The following THBS2 variants were observed in gnomAD, a reference collection of about 807,000 sequenced individuals.
The protein encoded by THBS2 is thrombospondin-2.
Under a neutral mutation model 135.2 loss-of-function variants are expected in THBS2, and 47 were observed. The observed-to-expected ratio is 0.35, with a 90% CI of 0.28 to 0.44. The LOEUF (loss-of-function observed/expected upper bound fraction) is 0.44, where lower values mean the gene tolerates loss of function less well. Ranked by LOEUF, THBS2 falls within the 20% of genes least tolerant of loss-of-function variation. The probability of loss-of-function intolerance (pLI) is 1.00; values close to 1 mark genes in which losing one functional copy is unlikely to be tolerated. For missense variants in THBS2, 1,288 were observed against 1,603.1 expected (o/e 0.80, Z 3.36); for synonymous variants, 639 against 633.8 (o/e 1.01, Z -0.12).
Position 169,224,513 on chromosome 6 carries a change from T to G in THBS2, c.2773+632A>C, listed in dbSNP as rs1480508017. Among the ~76,000 whole-genome samples, 2 of 150,594 alleles carry G rather than the reference T, an allele frequency of 1.3e-5. 1 individual carries two copies. The highest frequency in any genetic ancestry group is 3.9e-4 in the East Asian group (2 of 5,186). On this transcript the variant is annotated intron_variant, in intron 17 of 21. Coordinates refer to ENST00000617924, the MANE Select transcript of THBS2 (RefSeq NM_003247.5). ...TCCTTATCTCCCTCTGTCAAGGACG[T>G]GGCTTCCAAAGAGAGCCTGTGTCAG...
chr6:169,237,449 G>T, intron 8 of THBS2, 103 bp from the exon 9 acceptor site: 1 of 1,494,774 alleles, frequency 6.7e-7, no homozygotes, highest in Non-Finnish European at 9.2e-7. Context: ...AGCTGCTGAG[G>T]AGAGGGAAGG....
chr6:169,253,030 C>T (rs987098678), intron 1 of THBS2, among the ~76,000 whole-genome samples: 1 of 152,148 alleles, frequency 6.6e-6, no homozygotes, highest in African/African-American at 2.4e-5. Flanking sequence ...CCTGCCAGCT[C>T]GCTTTTCATA....
In THBS2 at chr6:169,240,459, G is replaced by T; in HGVS notation, c.1025C>A (p.Thr342Asn). Residue 342 changes from threonine to asparagine, a missense_variant, in exon 6 of 22, where the codon ACC (threonine) becomes AAC (asparagine). Around this residue, in one of 2 missense-constraint regions of THBS2, gnomAD observed 874 missense variants for 1,156.1 expected, o/e 0.76. Transcript: ENST00000617924. ...TWVVDSCTTC[T>N]CKKFKTICHQ... The stretch of plus-strand genomic sequence containing the variant: ...CGTGTTCTGGGGCCTCACCTTGCAG[G>T]TACACGTGGTGCAGCTGTCCACCAC... The T allele has an allele frequency of 6.2e-7, 1 of 1,613,460 alleles. No homozygotes were observed. The highest frequency in any genetic ancestry group is 1.3e-5 in the African/African-American group (1 of 75,008).
Position 169,241,439 on chromosome 6 carries a change from ATGTGTGTG to A in THBS2, c.891+315_891+322del, listed in dbSNP as rs147574702. Among the ~76,000 whole-genome samples, 2 of 124,424 alleles carry A rather than the reference ATGTGTGTG, an allele frequency of 1.6e-5. No homozygotes were observed. The highest frequency in any genetic ancestry group is 6.2e-5 in the African/African-American group (2 of 32,344). The allele number at this position is 124,424 out of a possible 152,430, so 81.6% of individuals were successfully genotyped here. On this transcript the variant is annotated intron_variant, in intron 5 of 21. Coordinates refer to ENST00000617924, the MANE Select transcript of THBS2 (RefSeq NM_003247.5). The surrounding 1 kb of genome is among the most constrained non-coding windows in gnomAD (Gnocchi z 5.5). ...TGTATGTGTGTGTATGTGTGTGTGT[ATGTGTGTG>A]TGTGTGTGTACACTCATACCTACAG...
At position 169,252,865 on chromosome 6, in the gene THBS2, T is replaced by C. The variant is rs1173933745; in HGVS notation, c.-23+859A>G. Reference sequence around the variant, plus strand: ...CAAAGGTCTTTTAAAACTCTTTTCGTATGAACAATCAAAGTAAAAGATAGC... The same window carrying C: ...CAAAGGTCTTTTAAAACTCTTTTCGCATGAACAATCAAAGTAAAAGATAGC... On this transcript the variant is annotated intron_variant, in intron 1 of 21. Transcript: ENST00000617924. The surrounding 1 kb of genome is among the most constrained non-coding windows in gnomAD (Gnocchi z 4.3). 1.3e-5 allele frequency among the ~76,000 whole-genome samples: 2 copies of C among 152,240 alleles called. No individual in the cohort carries two copies. The highest frequency in any genetic ancestry group is 4.8e-5 in the African/African-American group (2 of 41,470).
intron 12 of THBS2, 123 bp downstream of exon 12, chr6:169,232,541 G>C: frequency 6.8e-7 from 1 of 1,462,142 alleles, no homozygotes; most frequent in Non-Finnish European, 9.2e-7. Context: ...CCCCGGGCCA[G>C]CCCCTCCCAT....
chr6:169,221,435 G>A lies in THBS2; in HGVS notation c.3366C>T (p.Tyr1122=), dbSNP rs1240872598. 6.2e-7 allele frequency: 1 copy of A among 1,613,920 alleles called. No homozygotes were observed. The highest frequency in any genetic ancestry group is 1.7e-5 in the Admixed American group (1 of 60,018). The change falls in exon 20 of 22, where the codon TAC becomes TAT. Residue 1122 remains tyrosine (Y), a synonymous_variant. Coordinates refer to ENST00000617924, the MANE Select transcript of THBS2 (RefSeq NM_003247.5). ...WHLTHRPKTG[Y]IRVLVHEGKQ... is the part of the protein sequence containing the mutation. ...CTGTGCTGACCTGCCCTCACCTGAT[G>A]TAGCCAGTCTTGGGCCTGTGAGTCA...
In THBS2 at chr6:169,215,904, C is replaced by G. The variant is rs1309749593; in HGVS notation, c.*1918G>C. 1 of 152,540 alleles carries G rather than the reference C, an allele frequency of 6.6e-6. No individual in the cohort carries two copies. Among genetic ancestry groups the G allele is most frequent in the Non-Finnish European group, 1.5e-5 (1 of 68,032 alleles). The allele number at this position is 152,540 out of a possible 1,614,324, so 9.4% of individuals were successfully genotyped here. A position where few individuals can be genotyped will look rare whatever the true frequency, so the allele number is the denominator to read the frequency against. On this transcript the variant is annotated 3_prime_UTR_variant, in exon 22 of 22. Transcript: ENST00000617924. Reference sequence around the variant, plus strand: ...ATGTGAACACATAAATAAATATTTACAGTCTTTGGCAAAACACATGACGTT... The same window carrying G: ...ATGTGAACACATAAATAAATATTTAGAGTCTTTGGCAAAACACATGACGTT...
chr6:169,237,646 G>C lies in THBS2; in HGVS notation c.1279C>G (p.Leu427Val), dbSNP rs570076262. 3.0e-4 allele frequency: 487 copies of C among 1,612,804 alleles called. 4 individuals carry two copies. The South Asian group carries it at 5.0e-3, about 17-fold the overall frequency. ...TCACTGCGGGTGTCACACTTGCTCA[G>C]ACTGCAAGCCCGTGTCTGGATGGAG... Reference protein sequence around the residue: ...GPSIQTRACSLSKCDTRIRQD... With the variant: ...GPSIQTRACSVSKCDTRIRQD... The change falls in exon 8 of 22, where the codon CTG becomes GTG. Residue 427 changes from leucine (L) to valine (V), a missense_variant. Physicochemically the swap from Leu to Val is conservative, Grantham distance 32 (BLOSUM62 1). Transcript: ENST00000617924.
intron 10 of THBS2, chr6:169,234,473 A>G (rs1223708012): frequency 7.2e-6 from 3 of 417,246 alleles, no homozygotes; most frequent in Admixed American, 4.4e-5. Context: ...CACAGGCCAC[A>G]CCACACAATT....
At chr6:169,233,866 T>A (rs1779940038) in intron 10 of THBS2, among the ~76,000 whole-genome samples, 1 of 140,558 alleles carries the variant, frequency 7.1e-6, no homozygotes, top group African/African-American at 2.7e-5. Context: ...TCAGGTGCTA[T>A]ACCACACAAC....
Position 169,228,285 on chromosome 6 carries a change from G to A in THBS2, c.2260-4C>T. The A allele has an allele frequency of 6.2e-7, 1 of 1,613,896 alleles. No homozygotes were observed. The highest frequency in any genetic ancestry group is 8.5e-7 in the Non-Finnish European group (1 of 1,179,930). On this transcript the variant is annotated splice_polypyrimidine_tract_variant and splice_region_variant and intron_variant, in intron 14 of 21. Coordinates refer to ENST00000617924, the MANE Select transcript of THBS2 (RefSeq NM_003247.5). The stretch of plus-strand genomic sequence containing the variant: ...TGAAGAGGAGCTGGCAGTTGTCCTG[G>A]AAAACCAAGAAAGGGAAGACTTTAA...
In THBS2 at chr6:169,234,767, GCTC is replaced by G; in HGVS notation, c.1615_1617del (p.Glu539del). ...CAGCTCCTCTTGTTGCACATCTGAC[GCTC>G]CTGCACATCCCCCACGCAGGCCTTC... On this transcript the variant is annotated inframe_deletion, in exon 10 of 22. Transcript: ENST00000617924. 1 of 1,597,668 alleles carries G rather than the reference GCTC, an allele frequency of 6.3e-7. No individual in the cohort carries two copies. The highest frequency in any genetic ancestry group is 1.1e-5 in the South Asian group (1 of 89,856).
chr6:169,246,728 G>A lies in THBS2; in HGVS notation c.610-447C>T, dbSNP rs192223708. ...CCCTGGGCCTGCAGGAGCGCCTTCCGCAGCTGAGTTATGACGGGGCTGGGC... is the reference window on the plus strand; with the variant it reads ...CCCTGGGCCTGCAGGAGCGCCTTCCACAGCTGAGTTATGACGGGGCTGGGC... On this transcript the variant is annotated intron_variant, in intron 3 of 21. Coordinates refer to ENST00000617924, the MANE Select transcript of THBS2 (RefSeq NM_003247.5). 5.4e-4 allele frequency among the ~76,000 whole-genome samples: 83 copies of A among 152,304 alleles called. 1 individual carries two copies. The highest frequency in any genetic ancestry group is 5.0e-3 in the Admixed American group (77 of 15,306).
At chr6:169,245,320 G>A (rs181706689) in intron 4 of THBS2, among the ~76,000 whole-genome samples, 18 of 152,246 alleles carry the variant, frequency 1.2e-4, no homozygotes, top group Middle Eastern at 3.4e-3. Context: ...GATGATGTAC[G>A]GCATTTAATG....
chr6:169,222,724 A>G (rs938102461), intron 18 of THBS2, among the ~76,000 whole-genome samples: 1 of 151,806 alleles, frequency 6.6e-6, no homozygotes, highest in Admixed American at 6.6e-5. Flanking sequence ...GAACCGGGGA[A>G]AAAAGGTTGC....
Position 169,240,604 on chromosome 6 carries a change from A to G in THBS2, c.892-12T>C. The G allele has an allele frequency of 6.2e-7, 1 of 1,613,278 alleles. No individual in the cohort carries two copies. The highest frequency in any genetic ancestry group is 8.5e-7 in the Non-Finnish European group (1 of 1,179,470). The stretch of plus-strand genomic sequence containing the variant: ...TGGTTATCATTCGACTGGAAAATCA[A>G]GTGAAACATTTAAGTGTAGACAATA... On this transcript the variant is annotated splice_polypyrimidine_tract_variant and intron_variant, in intron 5 of 21. Coordinates refer to ENST00000617924, the MANE Select transcript of THBS2 (RefSeq NM_003247.5).
chr6:169,240,426 C>A, intron 6 of THBS2, 26 bp downstream of exon 6: 1 of 1,610,070 alleles, frequency 6.2e-7, no homozygotes, highest in South Asian at 1.1e-5. Context: ...GCCTCTTCCC[C>A]CAAGAGCCGT....
chr6:169,241,804 G>T lies in THBS2; in HGVS notation c.849C>A (p.Leu283=). The T allele has an allele frequency of 1.2e-6, 2 of 1,612,198 alleles. No homozygotes were observed. The highest frequency in any genetic ancestry group is 1.7e-6 in the Non-Finnish European group (2 of 1,179,436). The change falls in exon 5 of 22, where the codon CTC becomes CTA. Residue 283 remains leucine, a synonymous_variant. Transcript: ENST00000617924. This position sits in a 1 kb window ranked among gnomAD's most constrained non-coding sequence, Gnocchi z 5.5. ...CGCTGAGCTGGTTCACGAGGACGTG[G>T]AGCCCCGAGAGCTCCTGGACCATGT... ...LGNMVQELSG[L]HVLVNQLSEN...
Sources: gnomAD v4.1 joint callset for allele counts (sites outside exome capture counted in the v4.1 genomes callset) on GRCh38, gnomAD v4.1.1 for gene constraint, gnomAD v4.1.1 regional missense constraint, Gnocchi (gnomAD v3.1) non-coding constraint, MANE v1.5 for transcripts, NCBI Gene and HGNC (gene_info 2026-07-23, HGNC 2026-07-21) for gene names.